Variants in VPS13B observed in about 807,000 individuals in gnomAD.
The protein encoded by VPS13B is intermembrane lipid transfer protein VPS13B.
VPS13B carries 285 observed loss-of-function variants against 426.4 expected under a neutral mutation model. That is an observed-to-expected ratio of 0.67 (90% CI 0.61 to 0.74). VPS13B has a LOEUF of 0.74. Among genes scored for constraint, VPS13B ranks in the 30% least tolerant of loss-of-function variants. VPS13B has a pLI of 0.00. For missense variants in VPS13B, 4,537 were observed against 4,782.6 expected, an observed-to-expected ratio of 0.95 and a Z score of 1.51; for synonymous variants, 1,676 against 1,676.4, an observed-to-expected ratio of 1.00 and a Z score of 0.01.
At chr8:99,175,628 G>A (rs1812587891) in intron 16 of VPS13B, among the ~76,000 whole-genome samples, 1 of 152,122 alleles carries the variant, frequency 6.6e-6, no homozygotes, top group African/African-American at 2.4e-5. Context: ...ATGGTGGCAT[G>A]TGCCTATAGT....
chr8:99,532,435 G>A (rs973459036), intron 30 of VPS13B, among the ~76,000 whole-genome samples: 3 of 152,094 alleles, frequency 2.0e-5, no homozygotes, highest in African/African-American at 7.2e-5. Flanking sequence ...ACTTCTGAAA[G>A]GTGTACCCTG....
At chr8:99,031,029 A>G (rs1842485997) in intron 2 of VPS13B, among the ~76,000 whole-genome samples, 1 of 152,192 alleles carries the variant, frequency 6.6e-6, no homozygotes. Context: ...TATATCAGTT[A>G]GCCTAGGTAA....
intron 33 of VPS13B, among the ~76,000 whole-genome samples, chr8:99,635,346 A>G (rs1829027292): frequency 6.6e-6 from 1 of 151,986 alleles, no homozygotes; most frequent in African/African-American, 2.4e-5. Context: ...AATTTATAAG[A>G]TATGAAATAT....
chr8:99,222,898 A>T (rs1020686437), intron 17 of VPS13B, among the ~76,000 whole-genome samples: 1 of 152,180 alleles, frequency 6.6e-6, no homozygotes. Context: ...GTGCAGTGGC[A>T]TGATCTCGGC....
chr8:99,291,469 A>G (rs1158495761), intron 19 of VPS13B, among the ~76,000 whole-genome samples: 1 of 152,230 alleles, frequency 6.6e-6, no homozygotes, highest in East Asian at 1.9e-4. Context: ...ACTCTAGATA[A>G]TTTATGATTC....
At chr8:99,419,362 A>G (rs139996684) in intron 21 of VPS13B, among the ~76,000 whole-genome samples, 1 of 152,132 alleles carries the variant, frequency 6.6e-6, no homozygotes. Context: ...GTCTTTATAA[A>G]TTACCCAGTC....
intron 37 of VPS13B, among the ~76,000 whole-genome samples, chr8:99,718,688 A>G (rs927845170): frequency 1.3e-5 from 2 of 148,934 alleles, no homozygotes; most frequent in Non-Finnish European, 3.0e-5. Context: ...TTTTTTTGAG[A>G]CAGAATCTCA....
At chr8:99,257,561 TACAC>T (rs34558672) in intron 17 of VPS13B, among the ~76,000 whole-genome samples, 9,885 of 150,148 alleles carry the variant, frequency 0.066, 414 homozygotes, top group African/African-American at 0.12. Context: ...TGCATGTGTG[TACAC>T]ACACACACAC....
chr8:99,430,471 A>G (rs961217059), intron 21 of VPS13B, among the ~76,000 whole-genome samples: 4 of 152,194 alleles, frequency 2.6e-5, no homozygotes, highest in Non-Finnish European at 5.9e-5. Context: ...ATATAAATGT[A>G]TCCAGTTTTA....
At chr8:99,275,842 A>T (rs1818866365) in intron 19 of VPS13B, among the ~76,000 whole-genome samples, 1 of 152,166 alleles carries the variant, frequency 6.6e-6, no homozygotes, top group Non-Finnish European at 1.5e-5. Flanking sequence ...AATGTATGAT[A>T]GGTAGAGATC....
intron 17 of VPS13B, among the ~76,000 whole-genome samples, chr8:99,210,847 C>T (rs1360140443): frequency 1.3e-5 from 2 of 152,110 alleles, no homozygotes; most frequent in Non-Finnish European, 2.9e-5. Context: ...ATCCACCTGC[C>T]TCAGCCTCCC....
At chr8:99,135,476 A>C in intron 10 of VPS13B, 120 bp from the exon 11 acceptor site, 1 of 1,326,364 alleles carries the variant, frequency 7.5e-7, no homozygotes, top group Non-Finnish European at 1.0e-6. Context: ...AGCATTCCTT[A>C]TCTTTCTGTT....
At chr8:99,203,046 CA>C (rs55927083) in intron 17 of VPS13B, among the ~76,000 whole-genome samples, 1,425 of 136,356 alleles carry the variant, frequency 0.01, 15 homozygotes, top group African/African-American at 0.031. Context: ...GAGACTGTCT[CA>C]AAAAAAAAAA....
In VPS13B at chr8:99,245,363, C is replaced by G. The variant is rs1036588962; in HGVS notation, c.2516-28835C>G. ...GCATTTTCTGCTACAATCCAAACATCCTGAGGAAAGGGAATGTTTTTGTCT... is the reference window on the plus strand; with the variant it reads ...GCATTTTCTGCTACAATCCAAACATGCTGAGGAAAGGGAATGTTTTTGTCT... On this transcript the variant is annotated intron_variant, in intron 17 of 61. Coordinates refer to ENST00000357162, the MANE Select transcript of VPS13B (RefSeq NM_152564.5). Among the ~76,000 whole-genome samples the G allele has an allele frequency of 1.9e-4, 29 of 152,250 alleles. 1 individual carries two copies. In the East Asian group the frequency reaches 3.3e-3, roughly 17 times the overall value.
intron 19 of VPS13B, among the ~76,000 whole-genome samples, chr8:99,289,586 G>A (rs1211931383): frequency 6.6e-6 from 1 of 152,084 alleles, no homozygotes; most frequent in African/African-American, 2.4e-5. Flanking sequence ...TCATTTCTAT[G>A]TGGGCATGAG....
At chr8:99,400,580 TTTA>T (rs1814978806) in intron 21 of VPS13B, among the ~76,000 whole-genome samples, 1 of 152,200 alleles carries the variant, frequency 6.6e-6, no homozygotes, top group African/African-American at 2.4e-5. Context: ...TTATTTTAAT[TTTA>T]TTATTATTTA....
intron 19 of VPS13B, among the ~76,000 whole-genome samples, chr8:99,291,165 G>A (rs1360870934): frequency 6.6e-6 from 1 of 152,078 alleles, no homozygotes; most frequent in Non-Finnish European, 1.5e-5. Flanking sequence ...TGGAATTACA[G>A]GAGGTGATTA....
intron 24 of VPS13B, among the ~76,000 whole-genome samples, chr8:99,474,791 T>C (rs1819606612): frequency 6.6e-6 from 1 of 152,180 alleles, no homozygotes; most frequent in South Asian, 2.1e-4. Flanking sequence ...TGACAATTTC[T>C]GAAAAAGTTC....
chr8:99,369,703 T>G (rs1021021600), intron 19 of VPS13B, among the ~76,000 whole-genome samples: 3 of 152,234 alleles, frequency 2.0e-5, no homozygotes, highest in African/African-American at 7.2e-5. Flanking sequence ...TTGGGGATAC[T>G]AACTTCATGG....
Sources: gnomAD v4.1 joint callset for allele counts (sites outside exome capture counted in the v4.1 genomes callset) on GRCh38, gnomAD v4.1.1 for gene constraint, MANE v1.5 for transcripts, NCBI Gene and HGNC (gene_info 2026-07-23, HGNC 2026-07-21) for gene names.